INPP5D: variants seen among roughly 807,000 people sequenced by gnomAD.
The protein encoded by INPP5D is phosphatidylinositol 3,4,5-trisphosphate 5-phosphatase 1.
A neutral mutation model predicts 122.9 loss-of-function variants in INPP5D; 33 were observed. That is an observed-to-expected ratio of 0.27 (90% CI 0.20 to 0.36). INPP5D has a LOEUF of 0.36. INPP5D is among the 10% of genes least tolerant of loss of function. The pLI is 1.00. For missense variants in INPP5D, 1,053 were observed against 1,412.7 expected (o/e 0.75, Z 4.08); for synonymous variants, 584 against 576.2 (o/e 1.01, Z -0.19).
intron 17 of INPP5D, among the ~76,000 whole-genome samples, chr2:233,175,845 G>C (rs1694610996): frequency 6.6e-6 from 1 of 151,926 alleles, no homozygotes; most frequent in Non-Finnish European, 1.5e-5. Context: ...ACCATGCCCG[G>C]GTAATTTTGT....
chr2:233,155,145 G>T (rs377371725), intron 9 of INPP5D, among the ~76,000 whole-genome samples: 1 of 151,964 alleles, frequency 6.6e-6, no homozygotes, highest in South Asian at 2.1e-4. Flanking sequence ...AAGAGAGAAG[G>T]GGGAAGAAGG....
chr2:233,130,102 C>T (rs1313633579), intron 4 of INPP5D, among the ~76,000 whole-genome samples: 3 of 152,186 alleles, frequency 2.0e-5, no homozygotes, highest in Non-Finnish European at 2.9e-5. Flanking sequence ...GGGTTTCCCC[C>T]CAGGCTGTTC....
chr2:233,178,521 C>T (rs1211100807), intron 18 of INPP5D, among the ~76,000 whole-genome samples: 2 of 151,368 alleles, frequency 1.3e-5, no homozygotes, highest in Admixed American at 6.6e-5. Context: ...CTCTCTCAGT[C>T]GCCCAGGCTG....
intron 2 of INPP5D, among the ~76,000 whole-genome samples, chr2:233,084,724 G>A (rs905514658): frequency 2.6e-5 from 4 of 152,262 alleles, no homozygotes; most frequent in African/African-American, 9.6e-5. Flanking sequence ...GGCAAAGGAT[G>A]TGGCTCTAAC....
chr2:233,137,849 A>ATGT lies in INPP5D; in HGVS notation c.666-1993_666-1992insTGT, dbSNP rs1302913747. Among the ~76,000 whole-genome samples, 3 of 15,854 alleles carry ATGT rather than the reference A, an allele frequency of 1.9e-4. 1 individual carries two copies. The highest frequency in any genetic ancestry group is 4.6e-4 in the Non-Finnish European group (3 of 6,496). 10.4% of individuals were successfully genotyped at this position (15,854 alleles called of 152,430 possible). A position where few individuals can be genotyped will look rare whatever the true frequency, so the allele number is the denominator to read the frequency against. On this transcript the variant is annotated intron_variant, in intron 5 of 26. Coordinates refer to ENST00000445964, the MANE Select transcript of INPP5D (RefSeq NM_001017915.3). ...CTCCATCACAAAAAAAAAAAAAAAA[A>ATGT]AAAAATATATATATATATATATATA...
At chr2:233,192,968 A>C (rs1574800758) in intron 22 of INPP5D, among the ~76,000 whole-genome samples, 1 of 151,924 alleles carries the variant, frequency 6.6e-6, no homozygotes. Context: ...GCTCGCTGCA[A>C]CCTCCGCTTC....
chr2:233,136,611 G>T (rs1304236706), intron 5 of INPP5D, among the ~76,000 whole-genome samples: 1 of 152,066 alleles, frequency 6.6e-6, no homozygotes, highest in African/African-American at 2.4e-5. Context: ...ATGAAATGTT[G>T]ATTTATTCGA....
intron 2 of INPP5D, among the ~76,000 whole-genome samples, chr2:233,114,198 G>A (rs141491562): frequency 0.036 from 5,498 of 152,220 alleles, 129 homozygotes; most frequent in African/African-American, 0.055. Context: ...GTGAGCCACC[G>A]CACCCAGCCA....
At chr2:233,087,872 CCTTGGTCAA>C (rs560980163) in intron 2 of INPP5D, among the ~76,000 whole-genome samples, 220 of 152,264 alleles carry the variant, frequency 1.4e-3, no homozygotes, top group Middle Eastern at 0.014. Flanking sequence ...GCTTTTCATG[CCTTGGTCAA>C]CTTCCTCTGC....
intron 3 of INPP5D, among the ~76,000 whole-genome samples, chr2:233,124,136 T>G (rs1574746351): frequency 6.6e-6 from 1 of 152,156 alleles, no homozygotes; most frequent in Non-Finnish European, 1.5e-5. Flanking sequence ...TTTAAAGGCT[T>G]ATTTCCTAAA....
Position 233,070,118 on chromosome 2 carries a change from T to C in INPP5D, c.135-9217T>C, listed in dbSNP as rs143757838. Among the ~76,000 whole-genome samples, 474 of 152,346 alleles carry C rather than the reference T, an allele frequency of 3.1e-3. 5 individuals carry two copies. The highest frequency in any genetic ancestry group is 0.011 in the African/African-American group (442 of 41,572). ...GTTATTGACCCTCATAATCCCTCTT[T>C]CGTGAATGGTCTGTTCAATTCTCTT... is the stretch of plus-strand genomic sequence containing the variant. On this transcript the variant is annotated intron_variant, in intron 1 of 26. Coordinates refer to ENST00000445964, the MANE Select transcript of INPP5D (RefSeq NM_001017915.3).
intron 6 of INPP5D, among the ~76,000 whole-genome samples, chr2:233,143,467 T>A (rs1693671337): frequency 6.6e-6 from 1 of 152,206 alleles, no homozygotes; most frequent in Non-Finnish European, 1.5e-5. Context: ...GTTTCAATTA[T>A]TTATGAGATA....
At chr2:233,148,002 A>G (rs1467887842) in intron 9 of INPP5D, among the ~76,000 whole-genome samples, 1 of 152,248 alleles carries the variant, frequency 6.6e-6, no homozygotes, top group Non-Finnish European at 1.5e-5. Flanking sequence ...GGGGATGATA[A>G]AAATTATGTG....
rs548789893 is a variant in INPP5D, at chr2:233,133,940, T to C, written c.665+3292T>C. On this transcript the variant is annotated intron_variant, in intron 5 of 26. Transcript: ENST00000445964. Reference sequence around the variant, plus strand: ...ATACACAGGCTCTGGCACATGCGGCTCAACAGATATTAGGTAAATGACCCA... The same window carrying C: ...ATACACAGGCTCTGGCACATGCGGCCCAACAGATATTAGGTAAATGACCCA... 39 of 456,166 alleles carry C rather than the reference T, an allele frequency of 8.5e-5. 2 individuals are homozygous for C. Among genetic ancestry groups the C allele is most frequent in the South Asian group, 5.9e-4 (38 of 64,504 alleles). 28.3% of individuals were successfully genotyped at this position (456,166 alleles called of 1,614,324 possible).
At chr2:233,118,170 T>C (rs1240011851) in intron 2 of INPP5D, among the ~76,000 whole-genome samples, 2 of 152,162 alleles carry the variant, frequency 1.3e-5, no homozygotes, top group Non-Finnish European at 2.9e-5. Flanking sequence ...AAGCCCCTCC[T>C]GGCTTTGACT....
intron 2 of INPP5D, among the ~76,000 whole-genome samples, chr2:233,096,182 T>G (rs2106227985): frequency 6.6e-6 from 1 of 152,298 alleles, no homozygotes; most frequent in South Asian, 2.1e-4. Context: ...GATTGTAAAA[T>G]ACTGCCAAAC....
At chr2:233,194,139 A>G (rs1307738484) in intron 23 of INPP5D, among the ~76,000 whole-genome samples, 178 bp downstream of exon 23, 1 of 152,100 alleles carries the variant, frequency 6.6e-6, no homozygotes, top group African/African-American at 2.4e-5. Context: ...AAAATGTCCC[A>G]ACAGAACCCA....
intron 2 of INPP5D, among the ~76,000 whole-genome samples, chr2:233,092,754 A>G (rs10201551): frequency 0.099 from 15,025 of 152,198 alleles, 1,031 homozygotes; most frequent in African/African-American, 0.19. Context: ...GATGCTCCCA[A>G]CAGCATCCCT....
In INPP5D at chr2:233,086,147, TTCTTTCTTTCTTTCTTTC is replaced by T. The variant is rs1691833733; in HGVS notation, c.198+6751_198+6768del. On this transcript the variant is annotated intron_variant, in intron 2 of 26. Transcript: ENST00000445964. Reference sequence around the variant, plus strand: ...TTTCTTTCTTTCTTTCTTTCTTTCTTTCTTTCTTTCTTTCTTTCTTTCTTTCTTTCTTTCTTTCTTTCC... The same window carrying T: ...TTTCTTTCTTTCTTTCTTTCTTTCTTTTTCTTTCTTTCTTTCTTTCTTTCC... Among the ~76,000 whole-genome samples, 4 of 143,536 alleles carry T rather than the reference TTCTTTCTTTCTTTCTTTC, an allele frequency of 2.8e-5. No homozygotes were observed. The South Asian group carries it at 9.2e-4, about 33-fold the overall frequency. 94.2% of individuals were successfully genotyped at this position (143,536 alleles called of 152,430 possible). A position where few individuals can be genotyped will look rare whatever the true frequency, so the allele number is the denominator to read the frequency against.
Sources: gnomAD v4.1 joint callset for allele counts (sites outside exome capture counted in the v4.1 genomes callset) on GRCh38, gnomAD v4.1.1 for gene constraint, MANE v1.5 for transcripts, NCBI Gene and HGNC (gene_info 2026-07-23, HGNC 2026-07-21) for gene names.